The following LY75 variants were observed in gnomAD, a reference collection of about 807,000 sequenced individuals.
LY75 encodes lymphocyte antigen 75, also known as C-type lectin domain family 13 member B.
LY75 carries 185 observed loss-of-function variants against 231.7 expected under a neutral mutation model. The observed-to-expected ratio is 0.80, with a 90% confidence interval of 0.71 to 0.90. LY75 has a LOEUF of 0.90. Among genes scored for constraint, LY75 ranks in the 40% least tolerant of loss-of-function variants. The pLI, the probability that LY75 is intolerant of heterozygous loss-of-function variation, is 0.00. For missense variants in LY75, 1,947 were observed against 2,050.2 expected (o/e 0.95, Z 0.97); for synonymous variants, 668 against 689.0 (o/e 0.97, Z 0.48).
intron 27 of LY75, among the ~76,000 whole-genome samples, chr2:159,833,842 C>A (rs1683738379): frequency 6.6e-6 from 1 of 152,120 alleles, no homozygotes; most frequent in African/African-American, 2.4e-5. Flanking sequence ...GATGGTTTTA[C>A]AAAGGGCAGT....
rs775669501 is a variant in LY75, at chr2:159,834,033, A to G, written c.3841+11T>C. ...TATAGCAACATGAGAATGGACTAATATAATACTTACTCAGTTTCTGGCATT... is the reference window on the plus strand; with the variant it reads ...TATAGCAACATGAGAATGGACTAATGTAATACTTACTCAGTTTCTGGCATT... On this transcript the variant is annotated intron_variant, in intron 27 of 34. Transcript: ENST00000263636. The G allele has an allele frequency of 4.3e-6, 7 of 1,612,412 alleles. No individual in the cohort carries two copies. In the East Asian group the frequency reaches 1.6e-4, roughly 36 times the overall value.
chr2:159,899,574 T>C (rs1025954226), intron 1 of LY75, among the ~76,000 whole-genome samples: 1 of 152,222 alleles, frequency 6.6e-6, no homozygotes, highest in Non-Finnish European at 1.5e-5. Context: ...GAAAAGTCGA[T>C]GCTTAACACA....
intron 34 of LY75, 36 bp downstream of exon 34, chr2:159,806,937 T>A: frequency 6.4e-7 from 1 of 1,571,134 alleles, no homozygotes; most frequent in Non-Finnish European, 8.6e-7. Flanking sequence ...CTGACTGTTC[T>A]GCAAAAAGTC....
At chr2:159,815,689 C>A in intron 30 of LY75, 116 bp from the exon 31 acceptor site, 1 of 1,313,978 alleles carries the variant, frequency 7.6e-7, no homozygotes, top group Non-Finnish European at 1.0e-6. Flanking sequence ...TATTTGCTTA[C>A]AGTATTGTAG....
At chr2:159,883,874 C>G (rs1192361983) in intron 6 of LY75, among the ~76,000 whole-genome samples, 2 of 152,126 alleles carry the variant, frequency 1.3e-5, no homozygotes, top group African/African-American at 4.8e-5. Context: ...TTTTAGATGA[C>G]AAGACATTTG....
chr2:159,894,190 A>C (rs1574600889), intron 2 of LY75, 106 bp from the exon 3 acceptor site: 1 of 1,340,526 alleles, frequency 7.5e-7, no homozygotes, highest in African/African-American at 1.5e-5. Flanking sequence ...TTTAGAATAC[A>C]ATATCCGAGT....
chr2:159,833,934 TC>T, intron 27 of LY75, 109 bp downstream of exon 27: 1 of 1,269,378 alleles, frequency 7.9e-7, no homozygotes, highest in Non-Finnish European at 1.1e-6. Flanking sequence ...TTGTGAGGCC[TC>T]CCCAGCCATG....
rs1398318017 is a variant in LY75 at position 159,881,120 on chromosome 2, T to C, written c.1367A>G (p.Tyr456Cys). ...YWDENEPNVP[Y>C]NKTPNCVSYL... ...GGAAACACAGTTGGGCGTCTTATTG[T>C]AGGGAACATTTGGCTCATTCTCATC... Residue 456 changes from tyrosine to cysteine, a missense_variant, in exon 8 of 35, where the codon TAC (tyrosine) becomes TGC (cysteine). Tyr to Cys is a radical substitution (Grantham distance 194). Coordinates refer to ENST00000263636, the MANE Select transcript of LY75 (RefSeq NM_002349.4). The C allele has an allele frequency of 2.5e-6, 4 of 1,613,780 alleles. No homozygotes were observed. The highest frequency in any genetic ancestry group is 1.7e-5 in the Admixed American group (1 of 59,964).
In LY75 at chr2:159,904,736, C is replaced by G; in HGVS notation, c.-54G>C. On this transcript the variant is annotated 5_prime_UTR_variant, in exon 1 of 35. Coordinates refer to ENST00000263636, the MANE Select transcript of LY75 (RefSeq NM_002349.4). ...GTCCTCGGGCGCACGCGGCTCCCGC[C>G]CCGCCTGCTGAGCGCGGCCTGCCCC... The G allele has an allele frequency of 7.3e-7, 1 of 1,363,638 alleles. No homozygotes were observed. The highest frequency in any genetic ancestry group is 9.4e-7 in the Non-Finnish European group (1 of 1,063,488). The allele number at this position is 1,363,638 out of a possible 1,614,324, so 84.5% of individuals were successfully genotyped here. A position where few individuals can be genotyped will look rare whatever the true frequency, so the allele number is the denominator to read the frequency against.
In LY75 at chr2:159,826,621, G is replaced by A. The variant is rs183013559; in HGVS notation, c.3958+5049C>T. ...GAAAAAACTACTTTAAACTTCATAT[G>A]GAACCAAAAAAGAGCCCGGATAGCC... On this transcript the variant is annotated intron_variant, in intron 28 of 34. Coordinates refer to ENST00000263636, the MANE Select transcript of LY75 (RefSeq NM_002349.4). Among the ~76,000 whole-genome samples the A allele has an allele frequency of 2.7e-3, 406 of 152,206 alleles. 3 individuals are homozygous for A. The highest frequency in any genetic ancestry group is 9.2e-3 in the African/African-American group (382 of 41,538).
chr2:159,890,175 T>G (rs200335175), intron 4 of LY75, 38 bp downstream of exon 4: 8 of 1,584,006 alleles, frequency 5.1e-6, no homozygotes, highest in African/African-American at 4.1e-5. Flanking sequence ...CTTTACAATT[T>G]TAGCCAATTT....
intron 12 of LY75, 60 bp from the exon 13 acceptor site, chr2:159,872,653 T>C (rs1291996738): frequency 1.9e-5 from 30 of 1,561,764 alleles, no homozygotes; most frequent in Non-Finnish European, 2.4e-5. Context: ...TTCATAGTGC[T>C]AAAGTCAATT....
In LY75 at chr2:159,876,153, C is replaced by T. The variant is rs188696826; in HGVS notation, c.1775-510G>A. 5.2e-4 allele frequency among the ~76,000 whole-genome samples: 79 copies of T among 152,148 alleles called. No homozygotes were observed. In the East Asian group the frequency reaches 0.012, roughly 23 times the overall value. On this transcript the variant is annotated intron_variant, in intron 11 of 34. Transcript: ENST00000263636. The stretch of plus-strand genomic sequence containing the variant: ...TATGTGGTAACATACATTTGTTTAC[C>T]GTTAATTTTATGACAGTCATAATTT...
chr2:159,829,104 T>C (rs1683570276), intron 28 of LY75, among the ~76,000 whole-genome samples: 1 of 152,198 alleles, frequency 6.6e-6, no homozygotes, highest in Non-Finnish European at 1.5e-5. Flanking sequence ...CAATTATAAA[T>C]TGGTATAAAG....
rs147550458 is a variant in LY75, at chr2:159,808,451, A to G, written c.4820T>C (p.Val1607Ala). 1.9e-6 allele frequency: 3 copies of G among 1,613,816 alleles called. No individual in the cohort carries two copies. Among genetic ancestry groups the G allele is most frequent in the Non-Finnish European group, 2.5e-6 (3 of 1,179,902 alleles). The part of the protein sequence containing the change: ...RVWLGLSQHS[V>A]DQSWSWLDGS... ...ACACATACAATTATTTCACTTACCA[A>G]CAGAATGTTGAGATAATCCAAGCCA... is the stretch of plus-strand genomic sequence containing the variant. The change falls in exon 33 of 35, where the codon GTT (valine) becomes GCT (alanine). Residue 1607 changes from valine to alanine, a missense_variant and splice_region_variant. Val to Ala is a moderately conservative substitution (Grantham distance 64). Coordinates refer to ENST00000263636, the MANE Select transcript of LY75 (RefSeq NM_002349.4).
intron 5 of LY75, among the ~76,000 whole-genome samples, 171 bp downstream of exon 5, chr2:159,886,249 G>T (rs1685579456): frequency 6.6e-6 from 1 of 152,148 alleles, no homozygotes; most frequent in African/African-American, 2.4e-5. Context: ...GTTCAGCTTG[G>T]CAATAACAGT....
At chr2:159,879,474 T>G in intron 8 of LY75, 105 bp from the exon 9 acceptor site, 1 of 1,472,328 alleles carries the variant, frequency 6.8e-7, no homozygotes, top group Non-Finnish European at 9.2e-7. Context: ...GAGAAATGAA[T>G]ATAAGTGAAT....
intron 2 of LY75, among the ~76,000 whole-genome samples, chr2:159,897,428 G>A (rs1337570237): frequency 2.0e-5 from 3 of 152,062 alleles, no homozygotes; most frequent in African/African-American, 4.8e-5. Flanking sequence ...AAACTGGCTC[G>A]CAGAAACAGA....
intron 4 of LY75, among the ~76,000 whole-genome samples, chr2:159,889,580 T>C (rs1317571139): frequency 6.6e-6 from 1 of 152,176 alleles, no homozygotes; most frequent in Non-Finnish European, 1.5e-5. Context: ...AAAGTTCCAA[T>C]AGGGTTTGTT....
Sources: allele counts gnomAD v4.1 joint callset (sites outside exome capture counted in the v4.1 genomes callset), GRCh38; gene constraint gnomAD v4.1.1; transcripts MANE v1.5; gene names NCBI Gene and HGNC (gene_info 2026-07-23, HGNC 2026-07-21).